The following SORCS3 variants were observed in gnomAD, a reference collection of about 807,000 sequenced individuals.
SORCS3 encodes VPS10 domain-containing receptor SorCS3.
SORCS3 carries 57 observed loss-of-function variants against 146.3 expected under a neutral mutation model. The observed-to-expected ratio is 0.39, with a 90% CI of 0.31 to 0.49. SORCS3 has a LOEUF of 0.49. SORCS3 is among the 20% of genes least tolerant of loss of function. SORCS3 has a pLI of 0.92. For missense variants in SORCS3, 1,341 were observed against 1,575.5 expected, an observed-to-expected ratio of 0.85 and a Z score of 2.52; for synonymous variants, 653 against 618.5, an observed-to-expected ratio of 1.06 and a Z score of -0.83.
intron 4 of SORCS3, among the ~76,000 whole-genome samples, chr10:105,033,336 G>A (rs1031356446): frequency 3.3e-5 from 5 of 152,168 alleles, no homozygotes; most frequent in Non-Finnish European, 7.3e-5. Flanking sequence ...GTGAAGTCAG[G>A]ACCTCTGGGT....
At chr10:105,058,929 A>G (rs969421300) in intron 5 of SORCS3, among the ~76,000 whole-genome samples, 18 of 152,196 alleles carry the variant, frequency 1.2e-4, no homozygotes, top group Non-Finnish European at 2.2e-4. Flanking sequence ...CATCATATAC[A>G]TGTAAAAATT....
chr10:105,105,678 C>A (rs2055816029), intron 7 of SORCS3, among the ~76,000 whole-genome samples, 163 bp downstream of exon 7: 1 of 152,178 alleles, frequency 6.6e-6, no homozygotes, highest in South Asian at 2.1e-4. Flanking sequence ...GCCCAGACTT[C>A]TACTGGTTTT....
intron 20 of SORCS3, among the ~76,000 whole-genome samples, chr10:105,232,472 A>T (rs1030830315): frequency 2.6e-5 from 4 of 151,832 alleles, no homozygotes; most frequent in South Asian, 4.2e-4. Flanking sequence ...AACTTTATTG[A>T]TATTTTCAAA....
At chr10:105,100,167 A>T (rs529231754) in intron 6 of SORCS3, among the ~76,000 whole-genome samples, 1 of 152,346 alleles carries the variant, frequency 6.6e-6, no homozygotes, top group South Asian at 2.1e-4. Context: ...TAGCAGAATA[A>T]TCTTCTATTC....
chr10:105,123,282 C>A (rs1241809478), intron 7 of SORCS3, among the ~76,000 whole-genome samples: 1 of 152,210 alleles, frequency 6.6e-6, no homozygotes, highest in African/African-American at 2.4e-5. Context: ...ACCAGAAGTT[C>A]TCTTCTAACC....
intron 17 of SORCS3, among the ~76,000 whole-genome samples, chr10:105,211,569 C>T (rs1230714342): frequency 1.3e-5 from 2 of 152,152 alleles, no homozygotes; most frequent in East Asian, 3.9e-4. Flanking sequence ...TAAATTCATA[C>T]AAGTGATGTG....
intron 2 of SORCS3, among the ~76,000 whole-genome samples, chr10:104,879,664 C>T (rs1433623556): frequency 1.3e-5 from 2 of 152,168 alleles, no homozygotes; most frequent in Non-Finnish European, 2.9e-5. Flanking sequence ...GCAAGCCAGA[C>T]AAAGATGCCT....
At chr10:105,249,818 G>A (rs1436866182) in intron 22 of SORCS3, among the ~76,000 whole-genome samples, 1 of 152,028 alleles carries the variant, frequency 6.6e-6, no homozygotes, top group Admixed American at 6.5e-5. Flanking sequence ...CCCAGGAGGT[G>A]GCAGTTGCAG....
chr10:105,027,676 T>G (rs1359559760), intron 4 of SORCS3, among the ~76,000 whole-genome samples: 1 of 152,236 alleles, frequency 6.6e-6, no homozygotes, highest in Non-Finnish European at 1.5e-5. Flanking sequence ...CTCTGCCTTC[T>G]GGCTCCAGCT....
chr10:104,759,651 C>T (rs762747652), intron 1 of SORCS3, among the ~76,000 whole-genome samples: 6 of 152,260 alleles, frequency 3.9e-5, no homozygotes, highest in Admixed American at 6.5e-5. Context: ...GTTTCAGATC[C>T]GGCTCAGTCC....
chr10:104,779,477 C>T lies in SORCS3; in HGVS notation c.628-63315C>T, dbSNP rs145383595. 2.4e-4 allele frequency among the ~76,000 whole-genome samples: 36 copies of T among 152,236 alleles called. No individual in the cohort carries two copies. In the East Asian group the frequency reaches 3.9e-3, roughly 16 times the overall value. On this transcript the variant is annotated intron_variant, in intron 1 of 26. Coordinates refer to ENST00000369701, the MANE Select transcript of SORCS3 (RefSeq NM_014978.3). ...GCAGCAAGGAACAAATGAAAATATA[C>T]GAGAGAAAATGTTGAGAGTAAGAAG...
chr10:105,070,686 A>G (rs1288234809), intron 5 of SORCS3, among the ~76,000 whole-genome samples: 2 of 152,212 alleles, frequency 1.3e-5, no homozygotes, highest in Admixed American at 1.3e-4. Context: ...AAAGCTGACA[A>G]GATGTTTCCA....
Position 104,641,638 on chromosome 10 carries a change from AAGCCGG to A in SORCS3, c.314_319del (p.Ala105_Gly106del). ...GGCAGAGGCGGTGAGATGCAGGTGG[AAGCCGG>A]AGGGACATCACCGGCAGGCGAGCGG... is the stretch of plus-strand genomic sequence containing the variant. On this transcript the variant is annotated inframe_deletion, in exon 1 of 27. Coordinates refer to ENST00000369701, the MANE Select transcript of SORCS3 (RefSeq NM_014978.3). The surrounding 1 kb of genome is among the most constrained non-coding windows in gnomAD (Gnocchi z 6.4). 1 of 1,525,470 alleles carries A rather than the reference AAGCCGG, an allele frequency of 6.6e-7. No homozygotes were observed. Among genetic ancestry groups the A allele is most frequent in the Non-Finnish European group, 8.8e-7 (1 of 1,141,920 alleles). The allele number at this position is 1,525,470 out of a possible 1,614,324, so 94.5% of individuals were successfully genotyped here.
intron 1 of SORCS3, among the ~76,000 whole-genome samples, chr10:104,751,589 T>C (rs1056551559): frequency 2.6e-5 from 4 of 152,088 alleles, no homozygotes; most frequent in African/African-American, 9.7e-5. Flanking sequence ...GAATGAGAGA[T>C]AGCTAAAGCT....
At chr10:105,025,760 G>A (rs2055224118) in intron 4 of SORCS3, among the ~76,000 whole-genome samples, 1 of 151,284 alleles carries the variant, frequency 6.6e-6, no homozygotes, top group African/African-American at 2.4e-5. Flanking sequence ...GCCCTTAGCA[G>A]AGCACACACA....
chr10:105,014,848 G>A (rs1443820341), intron 4 of SORCS3, among the ~76,000 whole-genome samples: 1 of 152,138 alleles, frequency 6.6e-6, no homozygotes, highest in Admixed American at 6.6e-5. Context: ...GCTAGAAGGT[G>A]CCATCTATGA....
chr10:105,012,831 C>T (rs113941759), intron 4 of SORCS3, among the ~76,000 whole-genome samples: 1,675 of 152,164 alleles, frequency 0.011, 20 homozygotes, highest in Middle Eastern at 0.024. Flanking sequence ...GCATGAAAGA[C>T]GATTAAAATC....
At chr10:105,235,111 G>A (rs191797259) in intron 20 of SORCS3, among the ~76,000 whole-genome samples, 63 of 152,092 alleles carry the variant, frequency 4.1e-4, no homozygotes, top group African/African-American at 1.4e-3. Flanking sequence ...AGCTAGAGTG[G>A]GCTGTAGGTA....
chr10:104,663,329 A>T (rs1454876193), intron 1 of SORCS3, among the ~76,000 whole-genome samples: 1 of 152,202 alleles, frequency 6.6e-6, no homozygotes, highest in African/African-American at 2.4e-5. Context: ...GGGAAACCCC[A>T]TAGGATGGTG....
Sources: gnomAD v4.1 joint callset for allele counts (sites outside exome capture counted in the v4.1 genomes callset) on GRCh38, gnomAD v4.1.1 for gene constraint, Gnocchi (gnomAD v3.1) non-coding constraint, MANE v1.5 for transcripts, NCBI Gene and HGNC (gene_info 2026-07-23, HGNC 2026-07-21) for gene names.